TGM4: variants seen among roughly 807,000 people sequenced by gnomAD.
TGM4 encodes the protein transglutaminase 4, also known as protein-glutamine gamma-glutamyltransferase 4.
A neutral mutation model predicts 76.3 loss-of-function variants in TGM4; 61 were observed. That is an observed-to-expected ratio of 0.80 (90% CI 0.65 to 0.99). The LOEUF is 0.99. Among genes scored for constraint, TGM4 ranks in the 50% least tolerant of loss-of-function variants. The pLI is 0.00. For missense variants in TGM4, 794 were observed against 843.2 expected (o/e 0.94, Z 0.72); for synonymous variants, 337 against 329.8 (o/e 1.02, Z -0.24).
chr3:44,884,972 G>T (rs2125748758), intron 1 of TGM4, among the ~76,000 whole-genome samples: 1 of 152,284 alleles, frequency 6.6e-6, no homozygotes, highest in Non-Finnish European at 1.5e-5. Flanking sequence ...GTTGGGGTGG[G>T]AAACTTGCCT....
At chr3:44,900,320 G>T (rs1419092838) in intron 6 of TGM4, among the ~76,000 whole-genome samples, 1 of 152,206 alleles carries the variant, frequency 6.6e-6, no homozygotes, top group East Asian at 1.9e-4. Context: ...CCCTTTGCCT[G>T]TCTCTCTTTC....
intron 13 of TGM4, among the ~76,000 whole-genome samples, chr3:44,913,345 ATGT>A (rs1344123919): frequency 6.6e-6 from 1 of 152,222 alleles, no homozygotes; most frequent in Non-Finnish European, 1.5e-5. Flanking sequence ...GATTTGTGAA[ATGT>A]CAGAGTTGGA....
At position 44,903,968 on chromosome 3, in the gene TGM4, G is replaced by A. The variant is rs769188894; in HGVS notation, c.1056G>A (p.Thr352=). 35 of 1,613,874 alleles carry A rather than the reference G, an allele frequency of 2.2e-5. No homozygotes were observed. Among genetic ancestry groups the A allele is most frequent in the Non-Finnish European group, 2.8e-5 (33 of 1,180,022 alleles). The change falls in exon 9 of 14, where the codon ACG becomes ACA. Residue 352 remains threonine (T), a synonymous_variant. Transcript: ENST00000296125. Reference sequence around the variant, plus strand: ...ACGGCTGGCAGGCTGTGGACGCAACGCCGCAGGAGCGAAGCCAGGGTGAGT... The same window carrying A: ...ACGGCTGGCAGGCTGTGGACGCAACACCGCAGGAGCGAAGCCAGGGTGAGT... ...GYDGWQAVDA[T]PQERSQGVFC...
intron 9 of TGM4, among the ~76,000 whole-genome samples, chr3:44,905,835 C>CT (rs1412587764): frequency 4.9e-5 from 5 of 102,286 alleles, no homozygotes; most frequent in African/African-American, 2.1e-4. Context: ...TGCCCACACC[C>CT]CCGCATACTC....
chr3:44,911,255 C>T lies in TGM4; in HGVS notation c.1777-15C>T. 1 of 1,614,130 alleles carries T rather than the reference C, an allele frequency of 6.2e-7. No homozygotes were observed. Among genetic ancestry groups the T allele is most frequent in the Non-Finnish European group, 8.5e-7 (1 of 1,179,986 alleles). On this transcript the variant is annotated splice_polypyrimidine_tract_variant and intron_variant, in intron 12 of 13. Transcript: ENST00000296125. ...ATATCTTCTCTCCCCATCTCTCCTC[C>T]CCACCCTACTACAGTTGCCTAACAC...
intron 9 of TGM4, among the ~76,000 whole-genome samples, chr3:44,906,461 A>G (rs1699923024): frequency 2.0e-5 from 2 of 102,406 alleles, no homozygotes; most frequent in Non-Finnish European, 3.8e-5. Flanking sequence ...GCCCAGATCC[A>G]TAGCAACAGC....
intron 10 of TGM4, among the ~76,000 whole-genome samples, chr3:44,908,516 C>T (rs1045375591): frequency 1.2e-4 from 18 of 151,816 alleles, no homozygotes; most frequent in African/African-American, 4.4e-4. Flanking sequence ...TCCCTCAGGT[C>T]TCTGAGGCTC....
chr3:44,880,058 C>A (rs144940391), intron 1 of TGM4, among the ~76,000 whole-genome samples: 2,973 of 152,288 alleles, frequency 0.02, 49 homozygotes, highest in Middle Eastern at 0.065. Flanking sequence ...CTCAGCCTCC[C>A]AAAGTGTTGG....
chr3:44,885,414 C>T lies in TGM4; in HGVS notation c.109C>T (p.Arg37Trp), dbSNP rs148245944. The T allele has an allele frequency of 2.4e-5, 38 of 1,613,758 alleles. No individual in the cohort carries two copies. The highest frequency in any genetic ancestry group is 4.5e-5 in the East Asian group (2 of 44,900). Residue 37 changes from arginine to tryptophan, a missense_variant, in exon 2 of 14, where the codon CGG becomes TGG. Transcript: ENST00000296125. The part of the protein sequence containing the change: ...WEFQTSSPVF[R>W]RGQVFHLRLV... Reference sequence around the variant, plus strand: ...GTTCCAAACGAGCAGTCCTGTGTTCCGGCGAGGACAGGTGTTTCACCTGCG... The same window carrying T: ...GTTCCAAACGAGCAGTCCTGTGTTCTGGCGAGGACAGGTGTTTCACCTGCG...
Position 44,910,289 on chromosome 3 carries a change from C to T in TGM4, c.1527C>T (p.Ser509=), listed in dbSNP as rs1287001329. The T allele has an allele frequency of 6.2e-7, 1 of 1,614,146 alleles. No homozygotes were observed. The highest frequency in any genetic ancestry group is 2.2e-5 in the East Asian group (1 of 44,886). Residue 509 remains serine, a synonymous_variant, in exon 11 of 14, where the codon TCC becomes TCT. Transcript: ENST00000296125. ...TACAGAATGTCAACATCTTGGGCTC[C>T]TTTGAACTACAGTTGTACACTGGCA... is the stretch of plus-strand genomic sequence containing the variant. ...AALQNVNILG[S]FELQLYTGKK...
rs185535295 is a variant in TGM4 at position 44,914,567 on chromosome 3, C to T, written c.*842C>T. 1.3e-5 allele frequency: 2 copies of T among 152,290 alleles called. No individual in the cohort carries two copies. Among genetic ancestry groups the T allele is most frequent in the Non-Finnish European group, 2.9e-5 (2 of 68,034 alleles). 9.4% of individuals were successfully genotyped at this position (152,290 alleles called of 1,614,324 possible). On this transcript the variant is annotated 3_prime_UTR_variant, in exon 14 of 14. Coordinates refer to ENST00000296125, the MANE Select transcript of TGM4 (RefSeq NM_003241.4). ...CCCTCCAGAGATTTGCTCAAATGAT[C>T]AATAAGCTTTAAATTAAACTCTACT...
At chr3:44,883,938 G>A (rs1286465771) in intron 1 of TGM4, among the ~76,000 whole-genome samples, 1 of 152,206 alleles carries the variant, frequency 6.6e-6, no homozygotes, top group Non-Finnish European at 1.5e-5. Flanking sequence ...AGGAGCAGAG[G>A]AAGGTCCCTG....
At chr3:44,897,545 C>T (rs1209446845) in intron 6 of TGM4, among the ~76,000 whole-genome samples, 5 of 152,186 alleles carry the variant, frequency 3.3e-5, no homozygotes, top group Admixed American at 1.3e-4. Context: ...CAGTCTTGGG[C>T]AAACAGGATG....
chr3:44,874,714 T>C lies in TGM4; in HGVS notation c.19+17T>C, dbSNP rs775883322. ...CATCAAAAGGTGAGTGGGTGAAATC[T>C]CCATGGAGCCCCACATGCCCCTTCA... On this transcript the variant is annotated intron_variant, in intron 1 of 13. Transcript: ENST00000296125. 6.2e-7 allele frequency: 1 copy of C among 1,614,148 alleles called. No individual in the cohort carries two copies.
rs1334163693 is a variant in TGM4 at position 44,914,079 on chromosome 3, C to A, written c.*354C>A. On this transcript the variant is annotated 3_prime_UTR_variant, in exon 14 of 14. Transcript: ENST00000296125. Reference sequence around the variant, plus strand: ...GCAGACTATGGGCAGCCCAGTGCTGCCACCTGCTGACGACCCTTGAGAAGC... The same window carrying A: ...GCAGACTATGGGCAGCCCAGTGCTGACACCTGCTGACGACCCTTGAGAAGC... 1 of 198,662 alleles carries A rather than the reference C, an allele frequency of 5.0e-6. No individual in the cohort carries two copies. The highest frequency in any genetic ancestry group is 2.3e-5 in the African/African-American group (1 of 42,694). The allele number at this position is 198,662 out of a possible 1,614,324, so 12.3% of individuals were successfully genotyped here.
intron 3 of TGM4, 52 bp from the exon 4 acceptor site, chr3:44,890,551 T>C (rs981988869): frequency 8.8e-6 from 14 of 1,596,228 alleles, no homozygotes; most frequent in Middle Eastern, 1.8e-4. Context: ...TTTGTAAGAT[T>C]TGGGATCTGG....
intron 10 of TGM4, among the ~76,000 whole-genome samples, chr3:44,909,389 C>A (rs1436034473): frequency 2.0e-5 from 3 of 152,210 alleles, no homozygotes; most frequent in Non-Finnish European, 4.4e-5. Flanking sequence ...CCCCTCAACT[C>A]CCTTCTTTTC....
rs762190135 is a variant in TGM4, at chr3:44,911,261, C to A, written c.1777-9C>A. The A allele has an allele frequency of 5.6e-6, 9 of 1,614,086 alleles. No individual in the cohort carries two copies. The African/African-American group carries it at 1.2e-4, about 22-fold the overall frequency. On this transcript the variant is annotated splice_polypyrimidine_tract_variant and intron_variant, in intron 12 of 13. Transcript: ENST00000296125. ...TCTCTCCCCATCTCTCCTCCCCACC[C>A]TACTACAGTTGCCTAACACAGGCAG...
At chr3:44,889,994 T>C (rs986728701) in intron 3 of TGM4, among the ~76,000 whole-genome samples, 14 of 152,130 alleles carry the variant, frequency 9.2e-5, no homozygotes, top group Non-Finnish European at 1.5e-5. Flanking sequence ...CTTACAATCA[T>C]GGCAGAAGAG....
Sources: gnomAD v4.1 joint callset for allele counts (sites outside exome capture counted in the v4.1 genomes callset) on GRCh38, gnomAD v4.1.1 for gene constraint, MANE v1.5 for transcripts, NCBI Gene and HGNC (gene_info 2026-07-23, HGNC 2026-07-21) for gene names.